Variants in CTU2 observed in about 807,000 individuals in gnomAD.
CTU2 encodes the protein cytoplasmic tRNA 2-thiolation protein 2.
In CTU2, 80 loss-of-function variants were observed where a neutral mutation model predicts 64.1. The ratio of observed to expected loss-of-function variants is 1.25; its 90% CI spans 1.04 to 1.50. The LOEUF (loss-of-function observed/expected upper bound fraction) is 1.50, where lower values mean the gene tolerates loss of function less well. Ranked by LOEUF, CTU2 falls within the 40% of genes most tolerant of loss-of-function variation. CTU2 has a pLI of 0.00. For synonymous variants in CTU2, 482 were observed against 285.3 expected, an observed-to-expected ratio of 1.69 and a Z score of -6.95; for missense variants, 1,110 against 690.2, an observed-to-expected ratio of 1.61 and a Z score of -6.81.
Position 88,714,381 on chromosome 16 carries a change from A to C in CTU2, c.1098-2A>C. ...CCTGCTCCTCCCACAATCCGGCCAC[A>C]GGACAAGTGAGAAGCTGGTGAAGGG... On this transcript the variant is annotated splice_acceptor_variant, in intron 10 of 14. Transcript: ENST00000453996. LOFTEE classifies it high-confidence loss of function. 6.2e-7 allele frequency: 1 copy of C among 1,612,372 alleles called. No individual in the cohort carries two copies. The highest frequency in any genetic ancestry group is 8.5e-7 in the Non-Finnish European group (1 of 1,179,784).
At chr16:88,709,847 T>C in intron 2 of CTU2, 91 bp from the exon 3 acceptor site, 1 of 1,038,446 alleles carries the variant, frequency 9.6e-7, no homozygotes. Flanking sequence ...AGATGGAGAT[T>C]GGCAAAGGAC....
rs1911567025 is a variant in CTU2, at chr16:88,713,649, C to T, written c.876C>T (p.Gly292=). 1 of 1,611,778 alleles carries T rather than the reference C, an allele frequency of 6.2e-7. No individual in the cohort carries two copies. The highest frequency in any genetic ancestry group is 1.7e-5 in the Admixed American group (1 of 59,946). ...GRGAFLAWDT[G]FSDERHGDVV... Reference sequence around the variant, plus strand: ...CACACAGCCCCTGCCTCCCGCAGGGCTTCTCGGATGAGCGGCACGGGGACG... The same window carrying T: ...CACACAGCCCCTGCCTCCCGCAGGGTTTCTCGGATGAGCGGCACGGGGACG... Residue 292 remains glycine (G), a splice_region_variant and synonymous_variant, in exon 9 of 15, where the codon GGC becomes GGT. Transcript: ENST00000453996.
In CTU2 at chr16:88,714,716, G is replaced by C. The variant is rs756209152; in HGVS notation, c.1331G>C (p.Cys444Ser). The stretch of plus-strand genomic sequence containing the variant: ...CCAGGGGTGGGCTGGGCCCAGCGCT[G>C]TGGCCAGGGGGCCTGCAGGAGGTGA... Reference protein sequence around the residue: ...CSPGVGWAQRCGQGACRREDP... With the variant: ...CSPGVGWAQRSGQGACRREDP... The change falls in exon 12 of 15, where the codon TGT becomes TCT. Residue 444 changes from cysteine to serine, a missense_variant. Cys to Ser is a moderately radical substitution (Grantham distance 112). Transcript: ENST00000453996. The C allele has an allele frequency of 1.4e-5, 22 of 1,608,834 alleles. No homozygotes were observed. In the Middle Eastern group the frequency reaches 6.6e-4, roughly 48 times the overall value.
intron 5 of CTU2, 61 bp downstream of exon 5, chr16:88,711,756 C>G: frequency 6.7e-7 from 1 of 1,503,104 alleles, no homozygotes; most frequent in South Asian, 1.2e-5. Flanking sequence ...TGCGGATCCT[C>G]CCTCTGGTGT....
chr16:88,714,077 G>C (rs1435129713), intron 9 of CTU2, 59 bp from the exon 10 acceptor site: 3 of 1,535,912 alleles, frequency 2.0e-6, no homozygotes, highest in East Asian at 2.3e-5. Flanking sequence ...TGGGGACTCT[G>C]CCCCAGCCTG....
At position 88,712,308 on chromosome 16, in the gene CTU2, A is replaced by C; in HGVS notation, c.378A>C (p.Arg126Ser). The part of the protein sequence containing the change: ...GAACGQSLEE[R>S]SKTLAEVKPI... ...CCTGTGGCCAGAGCCTAGAGGAGAG[A>C]TCAAAGACCCTGGCCGAAGTGAAGC... Residue 126 changes from arginine to serine, a missense_variant, in exon 6 of 15, where the codon AGA (arginine) becomes AGC (serine). Coordinates refer to ENST00000453996, the MANE Select transcript of CTU2 (RefSeq NM_001012759.3). The C allele has an allele frequency of 6.2e-7, 1 of 1,608,978 alleles. No individual in the cohort carries two copies. The highest frequency in any genetic ancestry group is 8.5e-7 in the Non-Finnish European group (1 of 1,177,712).
At chr16:88,709,068 A>T (rs1341673269) in intron 2 of CTU2, 1 of 152,268 alleles carries the variant, frequency 6.6e-6, no homozygotes, top group Non-Finnish European at 1.5e-5. Flanking sequence ...TAAGGCCAGG[A>T]GTTTGAGACC....
At position 88,714,847 on chromosome 16, in the gene CTU2, T is replaced by C; in HGVS notation, c.1353-13T>C. On this transcript the variant is annotated splice_polypyrimidine_tract_variant and intron_variant, in intron 12 of 14. Transcript: ENST00000453996. ...GTGCCAAGGTGGGCACACAGCCAGC[T>C]CTGCTCCCGCAGGGAGGACCCCCAA... is the stretch of plus-strand genomic sequence containing the variant. 6.2e-7 allele frequency: 1 copy of C among 1,612,512 alleles called. No individual in the cohort carries two copies. The highest frequency in any genetic ancestry group is 8.5e-7 in the Non-Finnish European group (1 of 1,179,840).
Position 88,713,687 on chromosome 16 carries a change from G to A in CTU2, c.914G>A (p.Arg305Gln), listed in dbSNP as rs770197971. The change falls in exon 9 of 15, where the codon CGG (arginine) becomes CAG (glutamine). Residue 305 changes from arginine (R) to glutamine (Q), a missense_variant. Transcript: ENST00000453996. ...CGGCACGGGGACGTGGTGGTGGTGC[G>A]GCCCATGCGGGACCACACCCTGAAG... ...DERHGDVVVV[R>Q]PMRDHTLKEV... 1.4e-5 allele frequency: 23 copies of A among 1,612,448 alleles called. No homozygotes were observed. The Admixed American group carries it at 1.7e-4, about 12-fold the overall frequency.
In CTU2 at chr16:88,712,010, T is replaced by A. The variant is rs1911358850; in HGVS notation, c.344-264T>A. 8.8e-6 allele frequency: 5 copies of A among 568,470 alleles called. No individual in the cohort carries two copies. In the Admixed American group the frequency reaches 9.1e-5, roughly 10 times the overall value. 35.2% of individuals were successfully genotyped at this position (568,470 alleles called of 1,614,324 possible). A position where few individuals can be genotyped will look rare whatever the true frequency, so the allele number is the denominator to read the frequency against. On this transcript the variant is annotated intron_variant, in intron 5 of 14. Transcript: ENST00000453996. ...GGACAAAGAAGGGCAAGTTAAGTGC[T>A]GATGGTGAGCGGGGGCCCAGGGGCC...
At chr16:88,706,994 A>T in intron 1 of CTU2, 142 bp from the exon 2 acceptor site, 1 of 762,764 alleles carries the variant, frequency 1.3e-6, no homozygotes, top group East Asian at 2.7e-5. Context: ...GACAGAACAC[A>T]AGCCTGGGTT....
In CTU2 at chr16:88,715,343, T is replaced by G; in HGVS notation, c.*92T>G. 3.8e-6 allele frequency: 5 copies of G among 1,305,372 alleles called. No homozygotes were observed. Among genetic ancestry groups the G allele is most frequent in the South Asian group, 1.3e-5 (1 of 75,998 alleles). The allele number at this position is 1,305,372 out of a possible 1,614,324, so 80.9% of individuals were successfully genotyped here. A position where few individuals can be genotyped will look rare whatever the true frequency, so the allele number is the denominator to read the frequency against. On this transcript the variant is annotated 3_prime_UTR_variant, in exon 15 of 15. Transcript: ENST00000453996. ...GCAAGGACGGGGGACTGGCCTCTGATTGTCCATTTGTATAAATAAAACATT... is the reference window on the plus strand; with the variant it reads ...GCAAGGACGGGGGACTGGCCTCTGAGTGTCCATTTGTATAAATAAAACATT...
intron 1 of CTU2, chr16:88,706,931 C>T: frequency 3.4e-6 from 2 of 585,780 alleles, no homozygotes; most frequent in Middle Eastern, 4.6e-4. Context: ...CCCCCTGAGC[C>T]GGCTTTTCTA....
intron 10 of CTU2, 45 bp downstream of exon 10, chr16:88,714,272 CTGTGCGCGGG>C (rs145565756): frequency 0.13 from 206,091 of 1,590,652 alleles, 15,149 homozygotes; most frequent in Non-Finnish European, 0.15. Flanking sequence ...CGGGTGTGTG[CTGTGCGCGGG>C]TGTGTGCGGG....
chr16:88,714,482 C>T lies in CTU2; in HGVS notation c.1197C>T (p.Ala399=), dbSNP rs754518249. ...GCATGTGTGCCCTGGACGTCGACGC[C>T]GCTGGTCTGTGTTTCATGCTCTTGG... ...LLCMCALDVD[A]ADSATAFGAQ... The change falls in exon 11 of 15, where the codon GCC becomes GCT. Residue 399 remains alanine, a synonymous_variant. Transcript: ENST00000453996. 4.6e-5 allele frequency: 74 copies of T among 1,612,498 alleles called. No individual in the cohort carries two copies. The highest frequency in any genetic ancestry group is 3.4e-4 in the South Asian group (31 of 91,082).
chr16:88,714,621 G>A lies in CTU2; in HGVS notation c.1236G>A (p.Ser412=), dbSNP rs773894248. Residue 412 remains serine, a synonymous_variant, in exon 12 of 15, where the codon TCG becomes TCA. Coordinates refer to ENST00000453996, the MANE Select transcript of CTU2 (RefSeq NM_001012759.3). ...CGGCTTTTGGGGCTCAGACCTCCTC[G>A]CGTCTCTCCCAGATGCAGTCACCCA... is the stretch of plus-strand genomic sequence containing the variant. ...SATAFGAQTS[S]RLSQMQSPIP... is the part of the protein sequence containing the mutation. 1.8e-5 allele frequency: 29 copies of A among 1,612,458 alleles called. No individual in the cohort carries two copies. The highest frequency in any genetic ancestry group is 6.7e-5 in the East Asian group (3 of 44,876).
At chr16:88,708,915 A>G (rs1911110494) in intron 2 of CTU2, 1 of 152,220 alleles carries the variant, frequency 6.6e-6, no homozygotes. Flanking sequence ...CAATTCTAAC[A>G]TACAGCCAGG....
chr16:88,706,851 G>A (rs1211118328), intron 1 of CTU2: 6 of 560,150 alleles, frequency 1.1e-5, no homozygotes, highest in Non-Finnish European at 1.3e-5. Flanking sequence ...TATTCGGAGA[G>A]AACTGGTGCC....
At chr16:88,710,492 T>C in intron 4 of CTU2, 1 of 580,486 alleles carries the variant, frequency 1.7e-6, no homozygotes, top group Non-Finnish European at 3.1e-6. Context: ...CACTCTCAGA[T>C]GTGTTTACAG....
Sources: gnomAD v4.1 joint callset for allele counts on GRCh38, gnomAD v4.1.1 for gene constraint, MANE v1.5 for transcripts, NCBI Gene and HGNC (gene_info 2026-07-23, HGNC 2026-07-21) for gene names.